CPM: variants seen among roughly 807,000 people sequenced by gnomAD.
The protein encoded by CPM is carboxypeptidase M.
CPM carries 35 observed loss-of-function variants against 46.4 expected under a neutral mutation model. The ratio of observed to expected loss-of-function variants is 0.75; its 90% CI spans 0.58 to 1.00. The LOEUF is 1.00. CPM is among the 50% of genes least tolerant of loss of function. The pLI is 0.00. For synonymous variants in CPM, 195 were observed against 195.3 expected (o/e 1.00, Z 0.01); for missense variants, 422 against 530.4 (o/e 0.80, Z 2.01).
chr12:68,894,862 GT>G (rs1403685957), intron 2 of CPM, among the ~76,000 whole-genome samples: 1 of 151,780 alleles, frequency 6.6e-6, no homozygotes, highest in Non-Finnish European at 1.5e-5. Flanking sequence ...CAGTGAAACT[GT>G]CACCACTAAA....
Position 68,910,164 on chromosome 12 carries a change from C to T in CPM, c.160+22514G>A, listed in dbSNP as rs556467280. ...TAACAGTATTTATTGCAGCATTCTTCGAAATATCTAAAAGTTATAAATGAC... is the reference window on the plus strand; with the variant it reads ...TAACAGTATTTATTGCAGCATTCTTTGAAATATCTAAAAGTTATAAATGAC... On this transcript the variant is annotated intron_variant, in intron 2 of 8. Coordinates refer to ENST00000551568, the MANE Select transcript of CPM (RefSeq NM_198320.5). 2.2e-4 allele frequency among the ~76,000 whole-genome samples: 34 copies of T among 151,884 alleles called. 1 individual carries two copies. Among genetic ancestry groups the T allele is most frequent in the African/African-American group, 7.2e-4 (30 of 41,404 alleles).
intron 4 of CPM, among the ~76,000 whole-genome samples, chr12:68,870,896 G>A (rs939256016): frequency 1.3e-5 from 2 of 152,182 alleles, no homozygotes; most frequent in Non-Finnish European, 2.9e-5. Context: ...GGGGTGGTTC[G>A]TTAAGTAGCA....
chr12:68,850,614 T>G (rs1222251780), downstream of CPM: 1 of 152,182 alleles, frequency 6.6e-6, no homozygotes, highest in Admixed American at 6.5e-5. Context: ...TGGAGGCAAA[T>G]TCTTTGTTTA....
chr12:68,960,280 G>A (rs543467204), intron 1 of CPM, among the ~76,000 whole-genome samples: 3 of 152,274 alleles, frequency 2.0e-5, no homozygotes, highest in South Asian at 2.1e-4. Context: ...CGATGTCGAC[G>A]TTGGATGGGC....
chr12:68,897,455 C>T (rs1319786554), intron 2 of CPM, among the ~76,000 whole-genome samples: 1 of 152,030 alleles, frequency 6.6e-6, no homozygotes, highest in Non-Finnish European at 1.5e-5. Flanking sequence ...AGAGCGAGAT[C>T]GAGCATTACC....
At chr12:68,929,286 C>T (rs2047481) in intron 2 of CPM, among the ~76,000 whole-genome samples, 1 of 151,874 alleles carries the variant, frequency 6.6e-6, no homozygotes, top group Non-Finnish European at 1.5e-5. Flanking sequence ...GCTTCCCATG[C>T]CTTTTGCTCA....
intron 3 of CPM, 118 bp downstream of exon 3, chr12:68,885,674 T>G (rs1014402796): frequency 2.1e-5 from 17 of 813,508 alleles, no homozygotes; most frequent in Non-Finnish European, 3.4e-5. Context: ...CCTTGCTTCT[T>G]TGTACAATGC....
At chr12:68,939,223 T>C (rs1371182687) in intron 1 of CPM, among the ~76,000 whole-genome samples, 1 of 146,828 alleles carries the variant, frequency 6.8e-6, no homozygotes, top group Non-Finnish European at 1.5e-5. Context: ...ATGATGTCTA[T>C]ACATATAGAC....
At chr12:68,845,155 T>C (rs1884174363) in intron 5 of CPM, 2 of 223,620 alleles carry the variant, frequency 8.9e-6, no homozygotes, top group East Asian at 6.5e-5. Flanking sequence ...GAAAAGTTTT[T>C]AGTTGCGCTT....
chr12:68,900,155 A>G (rs1887054308), intron 2 of CPM, among the ~76,000 whole-genome samples: 1 of 152,218 alleles, frequency 6.6e-6, no homozygotes, highest in South Asian at 2.1e-4. Flanking sequence ...AAAATACAGA[A>G]AGAATTCTGA....
intron 1 of CPM, among the ~76,000 whole-genome samples, chr12:68,957,126 A>G (rs933610115): frequency 2.0e-5 from 3 of 152,166 alleles, no homozygotes; most frequent in African/African-American, 7.2e-5. Context: ...GTAAAATCGT[A>G]GAGATTGTAT....
intron 2 of CPM, among the ~76,000 whole-genome samples, chr12:68,887,795 A>C (rs727046): frequency 0.12 from 18,225 of 152,148 alleles, 1,090 homozygotes; most frequent in Middle Eastern, 0.21. Context: ...TAAAAAAAGA[A>C]ATTTTTTCCA....
At chr12:68,951,654 C>G (rs147343536) in intron 1 of CPM, among the ~76,000 whole-genome samples, 1 of 152,054 alleles carries the variant, frequency 6.6e-6, no homozygotes, top group Admixed American at 6.5e-5. Flanking sequence ...AAGTGCTGGC[C>G]GTGCCAGCCC....
intron 3 of CPM, among the ~76,000 whole-genome samples, chr12:68,872,339 G>A (rs1196985053): frequency 1.5e-5 from 2 of 136,398 alleles, no homozygotes; most frequent in South Asian, 2.4e-4. Flanking sequence ...TGCAACCTCC[G>A]CCTCCTGGGT....
intron 2 of CPM, 96 bp downstream of exon 2, chr12:68,932,582 G>A: frequency 7.1e-7 from 1 of 1,405,766 alleles, no homozygotes; most frequent in Non-Finnish European, 9.9e-7. Flanking sequence ...CTCAGAGTAG[G>A]TGCGTGGAAG....
At chr12:68,892,537 G>T (rs7959458) in intron 2 of CPM, among the ~76,000 whole-genome samples, 18,083 of 152,178 alleles carry the variant, frequency 0.12, 1,084 homozygotes, top group Middle Eastern at 0.21. Context: ...CACTCAGTTT[G>T]AATGCTAGTC....
chr12:68,886,809 G>A (rs11830863), intron 2 of CPM, among the ~76,000 whole-genome samples: 6,001 of 152,188 alleles, frequency 0.039, 425 homozygotes, highest in African/African-American at 0.14. Flanking sequence ...CAAAGAAAGC[G>A]TCTAAGTCTT....
At chr12:68,960,132 A>G (rs996445984) in intron 1 of CPM, among the ~76,000 whole-genome samples, 9 of 152,238 alleles carry the variant, frequency 5.9e-5, no homozygotes, top group African/African-American at 2.2e-4. Flanking sequence ...TTGGCCTTGT[A>G]AAACTGGAAA....
upstream of CPM, among the ~76,000 whole-genome samples, chr12:68,936,704 T>C (rs1477362768): frequency 1.3e-5 from 2 of 152,144 alleles, no homozygotes; most frequent in Admixed American, 1.3e-4. Context: ...TCTTTCTAAG[T>C]ATGGCACCAT....
Sources: allele counts gnomAD v4.1 joint callset (sites outside exome capture counted in the v4.1 genomes callset), GRCh38; gene constraint gnomAD v4.1.1; transcripts MANE v1.5; gene names NCBI Gene and HGNC (gene_info 2026-07-23, HGNC 2026-07-21).